The following RTN3 variants were observed in gnomAD, a reference collection of about 807,000 sequenced individuals.
RTN3 encodes reticulon-3.
RTN3 carries 49 observed loss-of-function variants against 77.8 expected under a neutral mutation model. The ratio of observed to expected loss-of-function variants is 0.63; its 90% CI spans 0.50 to 0.80. RTN3 has a LOEUF of 0.80. RTN3 is among the 30% of genes least tolerant of loss of function. RTN3 has a pLI of 0.00. For synonymous variants in RTN3, 464 were observed against 446.9 expected (o/e 1.04, Z -0.48); for missense variants, 1,236 against 1,211.9 (o/e 1.02, Z -0.29).
At chr11:63,746,242 A>C (rs980150721) in intron 3 of RTN3, among the ~76,000 whole-genome samples, 1 of 152,122 alleles carries the variant, frequency 6.6e-6, no homozygotes, top group Admixed American at 6.5e-5. Context: ...CTGTCTTTCA[A>C]ATATTTTGAA....
chr11:63,718,643 C>T (rs1190798183), intron 2 of RTN3, 59 bp from the exon 3 acceptor site: 1 of 1,312,618 alleles, frequency 7.6e-7, no homozygotes, highest in Non-Finnish European at 1.0e-6. Context: ...CTTGGCTTGG[C>T]TAGCTAATGT....
In RTN3 at chr11:63,758,357, ACC is replaced by A; in HGVS notation, c.*158_*159del. 1 of 1,605,732 alleles carries A rather than the reference ACC, an allele frequency of 6.2e-7. No individual in the cohort carries two copies. The highest frequency in any genetic ancestry group is 8.5e-7 in the Non-Finnish European group (1 of 1,177,128). On this transcript the variant is annotated 3_prime_UTR_variant, in exon 9 of 9. Coordinates refer to ENST00000377819, the MANE Select transcript of RTN3 (RefSeq NM_001265589.2). Reference sequence around the variant, plus strand: ...TGTTTTCTCCCATCCTTTCCCTTTAACCCTCAGTATCAAGCACAAAAATTGAT... The same window carrying A: ...TGTTTTCTCCCATCCTTTCCCTTTAACTCAGTATCAAGCACAAAAATTGAT...
At chr11:63,735,343 A>C (rs1419550022) in intron 3 of RTN3, among the ~76,000 whole-genome samples, 1 of 152,196 alleles carries the variant, frequency 6.6e-6, no homozygotes, top group African/African-American at 2.4e-5. Flanking sequence ...CACCAAAAGC[A>C]TAAAATACTT....
In RTN3 at chr11:63,745,272, A is replaced by T. The variant is rs541406669; in HGVS notation, c.2531-4719A>T. 2.0e-5 allele frequency among the ~76,000 whole-genome samples: 3 copies of T among 152,340 alleles called. No homozygotes were observed. The South Asian group carries it at 6.2e-4, about 32-fold the overall frequency. On this transcript the variant is annotated intron_variant, in intron 3 of 8. Coordinates refer to ENST00000377819, the MANE Select transcript of RTN3 (RefSeq NM_001265589.2). ...TCATGTGCAAAAACTTGACTAGTTT[A>T]AGGGGAATTATTAGGAAACAAATGG...
At chr11:63,734,725 C>CT (rs1236891755) in intron 3 of RTN3, among the ~76,000 whole-genome samples, 1 of 144,462 alleles carries the variant, frequency 6.9e-6, no homozygotes, top group African/African-American at 2.7e-5. Context: ...GAGGGAGACT[C>CT]TGTCTCAAAA....
In RTN3 at chr11:63,681,522, G is replaced by T; in HGVS notation, c.-115G>T. 2 of 1,127,352 alleles carry T rather than the reference G, an allele frequency of 1.8e-6. No individual in the cohort carries two copies. The highest frequency in any genetic ancestry group is 3.4e-5 in the South Asian group (2 of 57,980). 69.8% of individuals were successfully genotyped at this position (1,127,352 alleles called of 1,614,324 possible). On this transcript the variant is annotated 5_prime_UTR_variant, in exon 1 of 9. Coordinates refer to ENST00000377819, the MANE Select transcript of RTN3 (RefSeq NM_001265589.2). ...GTCAGTCTGTCGGAGTCTGTCCTCG[G>T]AGCAGGCGGAGTAAAGGGACTTGAG...
chr11:63,721,162 A>T lies in RTN3; in HGVS notation c.2530+130A>T, dbSNP rs1590838303. On this transcript the variant is annotated intron_variant, in intron 3 of 8. Coordinates refer to ENST00000377819, the MANE Select transcript of RTN3 (RefSeq NM_001265589.2). Reference sequence around the variant, plus strand: ...AAATACAAAAACAATATGCTGTATGATGGGAAAGGCAGATTCTTCTCCTGT... The same window carrying T: ...AAATACAAAAACAATATGCTGTATGTTGGGAAAGGCAGATTCTTCTCCTGT... The T allele has an allele frequency of 5.4e-6, 4 of 738,060 alleles. No individual in the cohort carries two copies. In the African/African-American group the frequency reaches 7.1e-5, roughly 13 times the overall value. 45.7% of individuals were successfully genotyped at this position (738,060 alleles called of 1,614,324 possible).
At chr11:63,709,289 G>T (rs1444209250) in intron 2 of RTN3, among the ~76,000 whole-genome samples, 2 of 152,100 alleles carry the variant, frequency 1.3e-5, no homozygotes, top group Non-Finnish European at 2.9e-5. Context: ...ATCATCTGGG[G>T]TATATGCTCC....
At chr11:63,740,515 TCTCAAACTCCTGAC>T (rs992675188) in intron 3 of RTN3, among the ~76,000 whole-genome samples, 1 of 150,272 alleles carries the variant, frequency 6.7e-6, no homozygotes, top group African/African-American at 2.5e-5. Flanking sequence ...GCCTGGCTGA[TCTCAAACTCCTGAC>T]CTCGTGATCC....
chr11:63,696,889 T>A, intron 1 of RTN3, among the ~76,000 whole-genome samples: 1 of 122,414 alleles, frequency 8.2e-6, no homozygotes, highest in Non-Finnish European at 1.7e-5. Flanking sequence ...TTCTTTTTTT[T>A]TTTTTTTTTT....
At chr11:63,683,745 A>G (rs1405883779) in intron 1 of RTN3, among the ~76,000 whole-genome samples, 2 of 151,946 alleles carry the variant, frequency 1.3e-5, no homozygotes, top group Non-Finnish European at 2.9e-5. Context: ...CCTTGTCACA[A>G]TTTTTATCTA....
At chr11:63,715,767 A>G (rs1387554813) in intron 2 of RTN3, among the ~76,000 whole-genome samples, 1 of 152,226 alleles carries the variant, frequency 6.6e-6, no homozygotes, top group African/African-American at 2.4e-5. Flanking sequence ...GTTCCCAAAC[A>G]GTTTTACCAT....
chr11:63,750,491 T>C (rs938390868), intron 4 of RTN3: 5 of 327,018 alleles, frequency 1.5e-5, no homozygotes, highest in Middle Eastern at 9.4e-4. Context: ...TTGCTCTTGT[T>C]GCCCAGGCTG....
chr11:63,752,129 T>C (rs1018617287), intron 4 of RTN3, among the ~76,000 whole-genome samples: 5 of 148,350 alleles, frequency 3.4e-5, no homozygotes, highest in African/African-American at 1.0e-4. Context: ...AAACAAAATA[T>C]AGTTTTAGAA....
chr11:63,737,809 A>T (rs1206476277), intron 3 of RTN3, among the ~76,000 whole-genome samples: 3 of 152,194 alleles, frequency 2.0e-5, no homozygotes, highest in Non-Finnish European at 4.4e-5. Context: ...TGAGATGAAC[A>T]TTAGTTTGAA....
intron 1 of RTN3, among the ~76,000 whole-genome samples, chr11:63,694,638 TC>T (rs1387017785): frequency 1.3e-5 from 2 of 151,396 alleles, no homozygotes; most frequent in Admixed American, 1.3e-4. Flanking sequence ...TTTGTATTTT[TC>T]TAGAGACGAG....
intron 4 of RTN3, chr11:63,750,455 CTTTT>C (rs200090732): frequency 2.1e-4 from 63 of 295,500 alleles, no homozygotes; most frequent in South Asian, 3.8e-4. Flanking sequence ...ACTCTAAATT[CTTTT>C]TTTTTTTTTT....
At chr11:63,738,616 A>T (rs1287297845) in intron 3 of RTN3, among the ~76,000 whole-genome samples, 1 of 143,078 alleles carries the variant, frequency 7.0e-6, no homozygotes, top group African/African-American at 2.6e-5. Context: ...TGGGTGACAG[A>T]GTGAGACCCT....
intron 1 of RTN3, among the ~76,000 whole-genome samples, chr11:63,704,084 A>T (rs997522294): frequency 6.6e-6 from 1 of 150,908 alleles, no homozygotes; most frequent in African/African-American, 2.4e-5. Flanking sequence ...CTCACTGCAA[A>T]CTCTGCCTCC....
Sources: allele counts gnomAD v4.1 joint callset (sites outside exome capture counted in the v4.1 genomes callset), GRCh38; gene constraint gnomAD v4.1.1; transcripts MANE v1.5; gene names NCBI Gene and HGNC (gene_info 2026-07-23, HGNC 2026-07-21).